The following ADGRL3 variants were observed in gnomAD, a reference collection of about 807,000 sequenced individuals.
ADGRL3 encodes the protein calcium-independent alpha-latrotoxin receptor 3.
Under a neutral mutation model 153.5 loss-of-function variants are expected in ADGRL3, and 62 were observed. That is an observed-to-expected ratio of 0.40 (90% CI 0.33 to 0.50). The LOEUF (loss-of-function observed/expected upper bound fraction) is 0.50. Ranked by LOEUF, ADGRL3 falls within the 20% of genes least tolerant of loss-of-function variation. The pLI is 0.47. For missense variants in ADGRL3, 1,641 were observed against 1,859.4 expected, an observed-to-expected ratio of 0.88 and a Z score of 2.16; for synonymous variants, 710 against 672.5, an observed-to-expected ratio of 1.06 and a Z score of -0.86.
intron 5 of ADGRL3, among the ~76,000 whole-genome samples, chr4:61,613,244 T>G (rs1003996119): frequency 7.9e-5 from 12 of 152,156 alleles, no homozygotes; most frequent in Non-Finnish European, 1.8e-4. Flanking sequence ...TTTAGATTGA[T>G]CTAGGGACTC....
intron 8 of ADGRL3, among the ~76,000 whole-genome samples, chr4:61,759,310 A>C (rs920521413): frequency 1.3e-5 from 2 of 152,160 alleles, no homozygotes; most frequent in Non-Finnish European, 2.9e-5. Context: ...CAGGTACACC[A>C]ATCAGACGTA....
At chr4:61,734,549 G>A (rs1455820420) in intron 8 of ADGRL3, among the ~76,000 whole-genome samples, 2 of 152,082 alleles carry the variant, frequency 1.3e-5, no homozygotes, top group Admixed American at 1.3e-4. Context: ...GATTTCATGA[G>A]AACTTACTCA....
intron 20 of ADGRL3, 46 bp from the exon 21 acceptor site, chr4:61,998,128 G>C: frequency 9.2e-7 from 1 of 1,082,942 alleles, no homozygotes. Flanking sequence ...TTGCTTTTTT[G>C]TTCCTACTCC....
intron 21 of ADGRL3, among the ~76,000 whole-genome samples, chr4:61,998,904 G>A (rs1202650539): frequency 6.6e-6 from 1 of 151,944 alleles, no homozygotes; most frequent in Non-Finnish European, 1.5e-5. Flanking sequence ...AGCAATTACC[G>A]CATCACTTCC....
intron 2 of ADGRL3, among the ~76,000 whole-genome samples, chr4:61,417,972 T>C (rs1316016855): frequency 6.6e-6 from 1 of 152,088 alleles, no homozygotes. Flanking sequence ...TTGAGATTGG[T>C]CTAAATTGCT....
chr4:62,035,966 T>C (rs1194926131), intron 23 of ADGRL3, among the ~76,000 whole-genome samples: 1 of 152,126 alleles, frequency 6.6e-6, no homozygotes, highest in East Asian at 1.9e-4. Flanking sequence ...TAGAAGTTTC[T>C]TCTTTTCACC....
chr4:62,067,820 T>C (rs1458306910), intron 25 of ADGRL3, among the ~76,000 whole-genome samples: 1 of 152,062 alleles, frequency 6.6e-6, no homozygotes, highest in African/African-American at 2.4e-5. Flanking sequence ...TGAAATATAT[T>C]GGTGAAAATA....
chr4:61,583,498 G>T (rs1306355762), intron 4 of ADGRL3, among the ~76,000 whole-genome samples: 1 of 152,096 alleles, frequency 6.6e-6, no homozygotes, highest in African/African-American at 2.4e-5. Flanking sequence ...CGGAAAACAA[G>T]TGAGCAAGAA....
At chr4:61,529,520 T>G (rs1312948283) in intron 4 of ADGRL3, among the ~76,000 whole-genome samples, 1 of 152,192 alleles carries the variant, frequency 6.6e-6, no homozygotes, top group East Asian at 1.9e-4. Flanking sequence ...TCACCTTGGT[T>G]ATAATCCAAC....
At chr4:61,789,244 T>A (rs1253657659) in intron 8 of ADGRL3, among the ~76,000 whole-genome samples, 3 of 152,142 alleles carry the variant, frequency 2.0e-5, no homozygotes, top group African/African-American at 7.2e-5. Flanking sequence ...CACTTTTCAC[T>A]AAATAATACA....
chr4:61,639,797 T>C (rs1270803183), intron 5 of ADGRL3, among the ~76,000 whole-genome samples: 1 of 152,180 alleles, frequency 6.6e-6, no homozygotes, highest in African/African-American at 2.4e-5. Flanking sequence ...ATTTTTCAAC[T>C]TCAATCATAT....
chr4:61,206,431 G>T (rs999429093), intron 1 of ADGRL3, among the ~76,000 whole-genome samples: 6 of 152,120 alleles, frequency 3.9e-5, no homozygotes, highest in African/African-American at 1.4e-4. Context: ...TGTCCTCTGG[G>T]GAACCCTGGG....
chr4:62,067,323 C>T lies in ADGRL3; in HGVS notation c.3815-843C>T, dbSNP rs116342057. On this transcript the variant is annotated intron_variant, in intron 25 of 26. Transcript: ENST00000683033. ...AAATCAGCAAGAACAACTCTGTTAA[C>T]CAGGCTAAAATAAGAGGTTTTTTTC... Among the ~76,000 whole-genome samples, 478 of 151,954 alleles carry T rather than the reference C, an allele frequency of 3.1e-3. 2 individuals carry two copies. The highest frequency in any genetic ancestry group is 0.011 in the African/African-American group (443 of 41,486).
rs544266933 is a variant in ADGRL3, at chr4:61,680,995, G to C, written c.583+4060G>C. ...CTTTTGTAGCCTTTGCATTTTCTTA[G>C]GAGGTTTGATGTTCTTCCTTAGTGG... On this transcript the variant is annotated intron_variant, in intron 6 of 26. Coordinates refer to ENST00000683033, the MANE Select transcript of ADGRL3 (RefSeq NM_001387552.1). Among the ~76,000 whole-genome samples, 11 of 152,114 alleles carry C rather than the reference G, an allele frequency of 7.2e-5. No homozygotes were observed. The South Asian group carries it at 2.3e-3, about 32-fold the overall frequency.
chr4:61,571,179 C>T (rs1307227284), intron 4 of ADGRL3, among the ~76,000 whole-genome samples: 1 of 151,786 alleles, frequency 6.6e-6, no homozygotes, highest in Non-Finnish European at 1.5e-5. Flanking sequence ...ATCAGGTCTA[C>T]TAAGGGGCTC....
chr4:62,049,994 G>A (rs1363034609), intron 25 of ADGRL3, among the ~76,000 whole-genome samples: 1 of 152,018 alleles, frequency 6.6e-6, no homozygotes, highest in Non-Finnish European at 1.5e-5. Context: ...TCTAAAAAAT[G>A]AAAACTTGCC....
intron 9 of ADGRL3, among the ~76,000 whole-genome samples, chr4:61,880,031 ATTAATT>A (rs2098500175): frequency 6.6e-6 from 1 of 152,160 alleles, no homozygotes; most frequent in East Asian, 1.9e-4. Flanking sequence ...CAGCTACTCT[ATTAATT>A]TAAAAGGCGG....
At chr4:62,005,394 G>C (rs2099153964) in intron 21 of ADGRL3, among the ~76,000 whole-genome samples, 1 of 152,112 alleles carries the variant, frequency 6.6e-6, no homozygotes, top group Non-Finnish European at 1.5e-5. Context: ...TGGTTTGAAG[G>C]ATGACTGCCA....
intron 8 of ADGRL3, among the ~76,000 whole-genome samples, chr4:61,767,453 C>G (rs994523796): frequency 3.9e-5 from 6 of 151,920 alleles, no homozygotes; most frequent in African/African-American, 7.3e-5. Flanking sequence ...GAGTAGCCTC[C>G]GTATTGATTA....
Sources: allele counts gnomAD v4.1 joint callset (sites outside exome capture counted in the v4.1 genomes callset), GRCh38; gene constraint gnomAD v4.1.1; transcripts MANE v1.5; gene names NCBI Gene and HGNC (gene_info 2026-07-23, HGNC 2026-07-21).